DLGAP2: variants seen among roughly 807,000 people sequenced by gnomAD.
The protein encoded by DLGAP2 is DLG associated protein 2.
DLGAP2 carries 26 observed loss-of-function variants against 100.3 expected under a neutral mutation model. The ratio of observed to expected loss-of-function variants is 0.26; its 90% CI spans 0.19 to 0.36. DLGAP2 has a LOEUF of 0.36. DLGAP2 is among the 10% of genes least tolerant of loss of function. The probability of loss-of-function intolerance (pLI) is 1.00; values close to 1 mark genes in which losing one functional copy is unlikely to be tolerated. For missense variants in DLGAP2, 1,858 were observed against 1,453.2 expected (o/e 1.28, Z -4.53); for synonymous variants, 886 against 630.1 (o/e 1.41, Z -6.08).
At chr8:1,191,320 GC>G (rs1736895789) in intron 2 of DLGAP2, among the ~76,000 whole-genome samples, 1 of 151,680 alleles carries the variant, frequency 6.6e-6, no homozygotes, top group Non-Finnish European at 1.5e-5. Context: ...ACAGGCACCC[GC>G]CACCACGCCC....
intron 2 of DLGAP2, among the ~76,000 whole-genome samples, chr8:1,214,478 T>G (rs1798171422): frequency 6.6e-6 from 1 of 152,168 alleles, no homozygotes; most frequent in South Asian, 2.1e-4. Context: ...TTACCACCAC[T>G]TTACGTAGGA....
chr8:767,455 A>G (rs965741052), intron 1 of DLGAP2, among the ~76,000 whole-genome samples: 1 of 145,260 alleles, frequency 6.9e-6, no homozygotes, highest in Admixed American at 7.3e-5. Context: ...TCTGCCTCCC[A>G]GGTTCAAGCG....
chr8:997,627 A>T (rs1215010068), intron 2 of DLGAP2, among the ~76,000 whole-genome samples: 2 of 152,256 alleles, frequency 1.3e-5, no homozygotes, highest in Non-Finnish European at 2.9e-5. Context: ...TTGACTTGAA[A>T]AATGGAACTC....
intron 3 of DLGAP2, among the ~76,000 whole-genome samples, chr8:1,345,328 C>T (rs937299659): frequency 1.9e-4 from 29 of 150,634 alleles, no homozygotes; most frequent in Admixed American, 4.0e-4. Flanking sequence ...TGTTCTGTTT[C>T]TCTTCGCCAA....
chr8:813,138 A>G (rs1396648080), intron 1 of DLGAP2, among the ~76,000 whole-genome samples: 2 of 152,202 alleles, frequency 1.3e-5, no homozygotes, highest in African/African-American at 4.8e-5. Flanking sequence ...CTTTCAACCA[A>G]CAAAATGCAA....
intron 2 of DLGAP2, among the ~76,000 whole-genome samples, chr8:1,198,550 G>C (rs533832457): frequency 8.5e-5 from 13 of 152,268 alleles, no homozygotes; most frequent in African/African-American, 3.1e-4. Flanking sequence ...GGGCACTCAT[G>C]ACTCAGGAGG....
intron 4 of DLGAP2, among the ~76,000 whole-genome samples, chr8:1,508,896 C>T (rs1213271802): frequency 2.6e-5 from 4 of 152,020 alleles, no homozygotes; most frequent in Non-Finnish European, 5.9e-5. Flanking sequence ...TCTAATATTG[C>T]CACATTCTCA....
intron 4 of DLGAP2, among the ~76,000 whole-genome samples, chr8:1,522,914 G>A (rs1397646280): frequency 6.6e-6 from 1 of 152,178 alleles, no homozygotes; most frequent in Admixed American, 6.5e-5. Context: ...TTGCTAAAGG[G>A]ATGCAGCTTT....
At chr8:1,504,152 A>G (rs1799821362) in intron 4 of DLGAP2, among the ~76,000 whole-genome samples, 1 of 150,730 alleles carries the variant, frequency 6.6e-6, no homozygotes, top group East Asian at 1.9e-4. Context: ...CACCTGATGT[A>G]TTTGTCTGAG....
intron 2 of DLGAP2, among the ~76,000 whole-genome samples, chr8:1,224,784 G>A (rs1798381568): frequency 1.3e-5 from 2 of 152,160 alleles, no homozygotes; most frequent in African/African-American, 4.8e-5. Flanking sequence ...GGACTGGATG[G>A]ACATTCTCCA....
intron 4 of DLGAP2, among the ~76,000 whole-genome samples, chr8:1,509,680 T>G (rs953333174): frequency 6.6e-6 from 1 of 152,158 alleles, no homozygotes; most frequent in Non-Finnish European, 1.5e-5. Context: ...TCTCCTGTTC[T>G]TCTCATTCTT....
chr8:1,625,942 ACGGT>A (rs2130767477), intron 6 of DLGAP2, among the ~76,000 whole-genome samples: 1 of 152,324 alleles, frequency 6.6e-6, no homozygotes, highest in African/African-American at 2.4e-5. Context: ...TGTGGATTGG[ACGGT>A]CGTTCCCATC....
intron 4 of DLGAP2, among the ~76,000 whole-genome samples, chr8:1,525,216 T>C (rs1176906340): frequency 3.5e-5 from 5 of 143,756 alleles, no homozygotes; most frequent in African/African-American, 1.3e-4. Context: ...TTTTTTTTGA[T>C]ATATGACATT....
At chr8:1,464,615 C>G (rs545579764) in intron 3 of DLGAP2, among the ~76,000 whole-genome samples, 32 of 150,638 alleles carry the variant, frequency 2.1e-4, no homozygotes, top group Non-Finnish European at 4.3e-4. Context: ...TCCCAGGCAG[C>G]TAGTCACTGT....
At position 1,350,256 on chromosome 8, in the gene DLGAP2, G is replaced by C. The variant is rs1563099026; in HGVS notation, c.106+91373G>C. Among the ~76,000 whole-genome samples the C allele has an allele frequency of 1.9e-5, 2 of 103,164 alleles. 1 individual carries two copies. The highest frequency in any genetic ancestry group is 6.9e-5 in the African/African-American group (2 of 28,882). 67.7% of individuals were successfully genotyped at this position (103,164 alleles called of 152,430 possible). ...TGCGTGGAAAGGCCGTGCGGGTCCT[G>C]AGCATGTGTGGAACGGCCGTGCGGG... On this transcript the variant is annotated intron_variant, in intron 3 of 14. Transcript: ENST00000637795.
chr8:984,161 G>T (rs1474358981), intron 2 of DLGAP2, among the ~76,000 whole-genome samples: 2 of 152,230 alleles, frequency 1.3e-5, no homozygotes. Flanking sequence ...CATATGGAAA[G>T]AATCTTGAAT....
At chr8:1,380,761 C>A (rs1285936618) in intron 3 of DLGAP2, among the ~76,000 whole-genome samples, 2 of 151,900 alleles carry the variant, frequency 1.3e-5, no homozygotes, top group Non-Finnish European at 2.9e-5. Flanking sequence ...TTAACTGGGA[C>A]ACAGGGATAG....
intron 2 of DLGAP2, among the ~76,000 whole-genome samples, chr8:1,030,850 C>T (rs1801950963): frequency 6.6e-6 from 1 of 152,172 alleles, no homozygotes. Flanking sequence ...CTTCCCTCTC[C>T]TGGAGGAAAG....
chr8:1,297,625 G>A (rs112091199), intron 3 of DLGAP2, among the ~76,000 whole-genome samples: 140 of 110,836 alleles, frequency 1.3e-3, no homozygotes, highest in African/African-American at 5.1e-3. Flanking sequence ...GAGACAGGGA[G>A]GAGAAACGTG....
Sources: allele counts gnomAD v4.1 joint callset (sites outside exome capture counted in the v4.1 genomes callset), GRCh38; gene constraint gnomAD v4.1.1; transcripts MANE v1.5; gene names NCBI Gene and HGNC (gene_info 2026-07-23, HGNC 2026-07-21).